PLS1: variants seen among roughly 807,000 people sequenced by gnomAD.
The protein encoded by PLS1 is plastin-1.
A neutral mutation model predicts 73.7 loss-of-function variants in PLS1; 32 were observed. The ratio of observed to expected loss-of-function variants is 0.43; its 90% CI spans 0.33 to 0.58. The LOEUF is 0.58. PLS1 is among the 20% of genes least tolerant of loss of function. The pLI is 0.04. For missense variants in PLS1, 633 were observed against 740.5 expected (o/e 0.85, Z 1.68); for synonymous variants, 217 against 261.3 (o/e 0.83, Z 1.63).
At chr3:142,612,808 G>T (rs1432854401) in intron 1 of PLS1, among the ~76,000 whole-genome samples, 1 of 152,066 alleles carries the variant, frequency 6.6e-6, no homozygotes, top group Non-Finnish European at 1.5e-5. Flanking sequence ...GTATCAGTCT[G>T]TCACCCAGGC....
chr3:142,660,321 T>A (rs1156586875), intron 1 of PLS1, among the ~76,000 whole-genome samples: 1 of 152,212 alleles, frequency 6.6e-6, no homozygotes, highest in Admixed American at 6.5e-5. Context: ...TTTTGTTTTT[T>A]TGAGAGTACA....
At chr3:142,602,107 G>T (rs1210071511) in intron 1 of PLS1, among the ~76,000 whole-genome samples, 5 of 144,522 alleles carry the variant, frequency 3.5e-5, no homozygotes, top group South Asian at 4.4e-4. Context: ...AATCGTTCCG[G>T]TTTTTTTTTT....
intron 1 of PLS1, among the ~76,000 whole-genome samples, chr3:142,618,260 C>CT (rs1231797607): frequency 6.6e-6 from 1 of 152,092 alleles, no homozygotes; most frequent in East Asian, 1.9e-4. Flanking sequence ...CAAACTCTGC[C>CT]TACCCCCCAC....
intron 13 of PLS1, among the ~76,000 whole-genome samples, 164 bp from the exon 14 acceptor site, chr3:142,704,299 G>A (rs1385918170): frequency 6.6e-6 from 1 of 152,024 alleles, no homozygotes; most frequent in Non-Finnish European, 1.5e-5. Flanking sequence ...TGATTAATGA[G>A]GTTTGTAACT....
chr3:142,637,194 A>G (rs1560042252), intron 1 of PLS1, among the ~76,000 whole-genome samples: 1 of 152,238 alleles, frequency 6.6e-6, no homozygotes, highest in Non-Finnish European at 1.5e-5. Flanking sequence ...TCAAAAGAAC[A>G]CTACTCAGAA....
At chr3:142,703,286 A>G (rs2038369570) in intron 12 of PLS1, among the ~76,000 whole-genome samples, 1 of 131,578 alleles carries the variant, frequency 7.6e-6, no homozygotes. Flanking sequence ...TGGATAGTCA[A>G]GAATTTTTTT....
At chr3:142,709,081 A>T (rs1932983295) in intron 14 of PLS1, among the ~76,000 whole-genome samples, 1 of 152,254 alleles carries the variant, frequency 6.6e-6, no homozygotes, top group South Asian at 2.1e-4. Context: ...TCATATACAT[A>T]TATGAAAGGT....
At chr3:142,678,236 A>T in intron 6 of PLS1, 123 bp downstream of exon 6, 1 of 388,916 alleles carries the variant, frequency 2.6e-6, no homozygotes, top group Non-Finnish European at 4.6e-6. Context: ...TCCTATAAAA[A>T]CTTTTTTTTT....
chr3:142,703,736 A>G (rs536101521), intron 12 of PLS1, 132 bp from the exon 13 acceptor site: 5 of 601,328 alleles, frequency 8.3e-6, no homozygotes, highest in South Asian at 7.1e-5. Context: ...TCCCTGGGTT[A>G]TTATTATGAA....
intron 1 of PLS1, among the ~76,000 whole-genome samples, chr3:142,617,867 A>G (rs2036243065): frequency 1.3e-5 from 2 of 152,116 alleles, no homozygotes; most frequent in Non-Finnish European, 2.9e-5. Context: ...AATCCCAGCT[A>G]CTCAGGAAGC....
intron 9 of PLS1, among the ~76,000 whole-genome samples, chr3:142,689,244 C>T (rs963087097): frequency 2.0e-5 from 3 of 151,844 alleles, no homozygotes; most frequent in African/African-American, 7.3e-5. Context: ...GCCAACATGG[C>T]AAAACCCTGT....
intron 1 of PLS1, among the ~76,000 whole-genome samples, chr3:142,601,282 GA>G (rs1258169996): frequency 6.6e-6 from 1 of 151,810 alleles, no homozygotes; most frequent in Admixed American, 6.6e-5. Context: ...TGATTAGGCA[GA>G]TGCAAAATCA....
intron 10 of PLS1, among the ~76,000 whole-genome samples, chr3:142,690,017 A>AT (rs1307630151): frequency 2.6e-5 from 4 of 152,226 alleles, no homozygotes; most frequent in Non-Finnish European, 5.9e-5. Flanking sequence ...TTATTTCTCC[A>AT]TAAGAGGTTA....
At chr3:142,679,808 A>G (rs1040927238) in intron 6 of PLS1, among the ~76,000 whole-genome samples, 1 of 152,166 alleles carries the variant, frequency 6.6e-6, no homozygotes, top group African/African-American at 2.4e-5. Flanking sequence ...CAATTCTGTG[A>G]AAAAAGTCAT....
chr3:142,636,332 A>G (rs2036689969), intron 1 of PLS1, among the ~76,000 whole-genome samples: 1 of 152,254 alleles, frequency 6.6e-6, no homozygotes, highest in South Asian at 2.1e-4. Flanking sequence ...TGCAAATGCA[A>G]TTCAGTGGAG....
intron 3 of PLS1, among the ~76,000 whole-genome samples, chr3:142,669,876 G>T (rs1251511247): frequency 6.6e-6 from 1 of 152,154 alleles, no homozygotes; most frequent in Non-Finnish European, 1.5e-5. Context: ...AATATAAATT[G>T]TCTGGTTTTG....
intron 2 of PLS1, among the ~76,000 whole-genome samples, chr3:142,667,006 A>G (rs1049204080): frequency 3.9e-5 from 6 of 152,196 alleles, no homozygotes; most frequent in African/African-American, 1.2e-4. Flanking sequence ...GTCGAGTTGT[A>G]AGAAAGTCCT....
intron 1 of PLS1, among the ~76,000 whole-genome samples, chr3:142,658,965 A>T (rs75058314): frequency 0.034 from 5,253 of 152,266 alleles, 97 homozygotes; most frequent in South Asian, 0.057. Context: ...TTGCTTTTGA[A>T]TCTCTTATTT....
chr3:142,621,081 T>C (rs1404874483), intron 1 of PLS1, among the ~76,000 whole-genome samples: 2 of 152,166 alleles, frequency 1.3e-5, no homozygotes, highest in African/African-American at 4.8e-5. Context: ...CCCTGATCAG[T>C]GGCTTGGCAC....
Sources: allele counts gnomAD v4.1 joint callset (sites outside exome capture counted in the v4.1 genomes callset), GRCh38; gene constraint gnomAD v4.1.1; transcripts MANE v1.5; gene names NCBI Gene and HGNC (gene_info 2026-07-23, HGNC 2026-07-21).